ABCA10: variants seen among roughly 807,000 people sequenced by gnomAD.
ABCA10 encodes ATP-binding cassette sub-family A member 10.
A neutral mutation model predicts 187.5 loss-of-function variants in ABCA10; 169 were observed. The observed-to-expected ratio is 0.90, with a 90% CI of 0.80 to 1.02. The LOEUF is 1.02. Ranked by LOEUF, ABCA10 falls within the 50% of genes least tolerant of loss-of-function variation. The pLI, the probability that ABCA10 is intolerant of heterozygous loss-of-function variation, is 0.00. For synonymous variants in ABCA10, 574 were observed against 601.8 expected (o/e 0.95, Z 0.68); for missense variants, 1,727 against 1,812.4 (o/e 0.95, Z 0.86).
intron 22 of ABCA10, among the ~76,000 whole-genome samples, chr17:69,177,973 A>T (rs8070116): frequency 0.46 from 19,925 of 43,778 alleles, 5,864 homozygotes; most frequent in African/African-American, 0.6. Context: ...AAAAAAAAAA[A>T]ATATATATAT....
chr17:69,234,780 T>C (rs2074855345), intron 1 of ABCA10: 1 of 152,240 alleles, frequency 6.6e-6, no homozygotes, highest in South Asian at 2.1e-4. Context: ...CATAGAGCAA[T>C]GAAACAATGG....
chr17:69,223,150 T>C (rs1466654691), intron 3 of ABCA10, among the ~76,000 whole-genome samples: 2 of 152,156 alleles, frequency 1.3e-5, no homozygotes, highest in Non-Finnish European at 2.9e-5. Flanking sequence ...TATTCAACTT[T>C]TTTTAAAGTA....
intron 9 of ABCA10, among the ~76,000 whole-genome samples, chr17:69,213,355 C>T (rs535088202): frequency 6.6e-4 from 94 of 143,020 alleles, no homozygotes; most frequent in Non-Finnish European, 1.1e-3. Flanking sequence ...CATGTCTGAG[C>T]TCAGACTTTC....
chr17:69,165,170 A>G, intron 25 of ABCA10, 87 bp from the exon 26 acceptor site: 2 of 1,131,034 alleles, frequency 1.8e-6, no homozygotes, highest in Admixed American at 2.4e-5. Context: ...TTTTCCTGGG[A>G]GATACTGCCA....
At chr17:69,210,847 C>CACATATATATATATATATATAT (rs1169352704) in intron 9 of ABCA10, among the ~76,000 whole-genome samples, 9 of 37,892 alleles carry the variant, frequency 2.4e-4, no homozygotes, top group African/African-American at 5.2e-4. Flanking sequence ...ATTTATGCCA[C>CACATATATATATATATATATAT]ATATATATAT....
chr17:69,216,289 T>A lies in ABCA10; in HGVS notation c.600A>T (p.Thr200=). ...CAGTATGAAATACAATTGGGATTGA[T>A]GTTATGACCAGAGCCATAAAAATGG... is the stretch of plus-strand genomic sequence containing the variant. ...IMSIFMALVI[T]SIPIVFHTGF... is the part of the protein sequence containing the mutation. The change falls in exon 7 of 39, where the codon ACA becomes ACT. Residue 200 remains threonine (T), a synonymous_variant. Transcript: ENST00000690296. 1 of 1,613,554 alleles carries A rather than the reference T, an allele frequency of 6.2e-7. No homozygotes were observed. The highest frequency in any genetic ancestry group is 8.5e-7 in the Non-Finnish European group (1 of 1,179,620).
At chr17:69,168,538 C>A (rs575948452) in intron 25 of ABCA10, among the ~76,000 whole-genome samples, 59 of 152,032 alleles carry the variant, frequency 3.9e-4, no homozygotes, top group Non-Finnish European at 6.5e-4. Context: ...ACCAAATAAT[C>A]AAAAAATATG....
rs374025430 is a variant in ABCA10, at chr17:69,194,341, A to G, written c.1345+44T>C. Reference sequence around the variant, plus strand: ...TTTTACATAATCAAACCAATTTACAACTTGCTTTTTCAGCCAACTTACTTT... The same window carrying G: ...TTTTACATAATCAAACCAATTTACAGCTTGCTTTTTCAGCCAACTTACTTT... On this transcript the variant is annotated intron_variant, in intron 12 of 38. Coordinates refer to ENST00000690296, the MANE Select transcript of ABCA10 (RefSeq NM_001377321.1). 34 of 1,501,124 alleles carry G rather than the reference A, an allele frequency of 2.3e-5. No homozygotes were observed. In the African/African-American group the frequency reaches 4.6e-4, roughly 20 times the overall value. The allele number at this position is 1,501,124 out of a possible 1,614,324, so 93.0% of individuals were successfully genotyped here. A position where few individuals can be genotyped will look rare whatever the true frequency, so the allele number is the denominator to read the frequency against.
chr17:69,172,668 A>C (rs2074306772), intron 25 of ABCA10, among the ~76,000 whole-genome samples: 1 of 152,174 alleles, frequency 6.6e-6, no homozygotes, highest in Non-Finnish European at 1.5e-5. Flanking sequence ...AAAAAAGAAA[A>C]ATATGGAATA....
intron 9 of ABCA10, among the ~76,000 whole-genome samples, chr17:69,214,150 A>G (rs2074682801): frequency 6.6e-6 from 1 of 152,230 alleles, no homozygotes; most frequent in African/African-American, 2.4e-5. Flanking sequence ...ACCGACACAC[A>G]TACATCCTAC....
chr17:69,175,874 C>T (rs1303831441), intron 22 of ABCA10: 1 of 169,026 alleles, frequency 5.9e-6, no homozygotes, highest in East Asian at 1.8e-4. Context: ...TAATGGGTAA[C>T]ATATACAGTG....
At chr17:69,184,100 T>C (rs1367129102) in intron 20 of ABCA10, among the ~76,000 whole-genome samples, 1 of 152,080 alleles carries the variant, frequency 6.6e-6, no homozygotes, top group East Asian at 1.9e-4. Context: ...TTTCCCCTAC[T>C]TCCCTAGCGA....
At chr17:69,201,100 C>A (rs2074540230) in intron 10 of ABCA10, among the ~76,000 whole-genome samples, 1 of 152,166 alleles carries the variant, frequency 6.6e-6, no homozygotes, top group Admixed American at 6.5e-5. Context: ...TGTGAAGAGA[C>A]CTTTTGACTT....
chr17:69,167,710 C>T (rs1195214412), intron 25 of ABCA10, among the ~76,000 whole-genome samples: 3 of 152,102 alleles, frequency 2.0e-5, no homozygotes, highest in African/African-American at 7.2e-5. Context: ...TGACATTAGA[C>T]AATCTGAAAG....
At chr17:69,206,821 G>T (rs2074595393) in intron 9 of ABCA10, among the ~76,000 whole-genome samples, 1 of 152,074 alleles carries the variant, frequency 6.6e-6, no homozygotes. Context: ...CTACTAGAAG[G>T]AAACGGGGGA....
At position 69,227,890 on chromosome 17, in the gene ABCA10, A is replaced by C. The variant is rs77758990; in HGVS notation, c.-312-605T>G. 1.3e-4 allele frequency among the ~76,000 whole-genome samples: 20 copies of C among 152,098 alleles called. No individual in the cohort carries two copies. In the East Asian group the frequency reaches 3.9e-3, roughly 29 times the overall value. Reference sequence around the variant, plus strand: ...AAGATACATACAGATTAAAACCAAAAATATTGGCTAATATGACTAGAGTAA... The same window carrying C: ...AAGATACATACAGATTAAAACCAAACATATTGGCTAATATGACTAGAGTAA... On this transcript the variant is annotated intron_variant, in intron 1 of 38. Transcript: ENST00000690296.
Position 69,219,571 on chromosome 17 carries a change from C to T in ABCA10, c.504G>A (p.Val168=), listed in dbSNP as rs12941264. ...AGAATGCTGACTCTCGGAGACCCAT[C>T]ACTGTCATCAGTTTCTTAAATTTTC... is the stretch of plus-strand genomic sequence containing the variant. The part of the protein sequence containing the change: ...ERGKFKKLMT[V]MGLRESAFWL... Residue 168 remains valine, a synonymous_variant, in exon 6 of 39, where the codon GTG becomes GTA. Coordinates refer to ENST00000690296, the MANE Select transcript of ABCA10 (RefSeq NM_001377321.1). 1,036,791 of 1,601,912 alleles carry T rather than the reference C, an allele frequency of 0.65. 339,214 individuals are homozygous for T. Among genetic ancestry groups the T allele is most frequent in the African/African-American group, 0.7 (51,916 of 74,582 alleles).
Position 69,155,153 on chromosome 17 carries a change from A to C in ABCA10, c.3577-17T>G, listed in dbSNP as rs75435520. ...GACTGGTTCCTGGAAAACATGACAAAGCATGATTTCCCTGTTAAATTTCAG... is the reference window on the plus strand; with the variant it reads ...GACTGGTTCCTGGAAAACATGACAACGCATGATTTCCCTGTTAAATTTCAG... On this transcript the variant is annotated splice_polypyrimidine_tract_variant and intron_variant, in intron 29 of 38. Coordinates refer to ENST00000690296, the MANE Select transcript of ABCA10 (RefSeq NM_001377321.1). 6.7e-5 allele frequency: 102 copies of C among 1,527,466 alleles called. 1 individual carries two copies. In the East Asian group the frequency reaches 2.2e-3, roughly 32 times the overall value. The allele number at this position is 1,527,466 out of a possible 1,614,324, so 94.6% of individuals were successfully genotyped here.
chr17:69,188,511 T>A (rs1230924772), intron 18 of ABCA10, among the ~76,000 whole-genome samples: 2 of 150,828 alleles, frequency 1.3e-5, no homozygotes, highest in East Asian at 3.9e-4. Context: ...TTCTTTTTTT[T>A]CTTTCCAATT....
Sources: gnomAD v4.1 joint callset for allele counts (sites outside exome capture counted in the v4.1 genomes callset) on GRCh38, gnomAD v4.1.1 for gene constraint, MANE v1.5 for transcripts, NCBI Gene and HGNC (gene_info 2026-07-23, HGNC 2026-07-21) for gene names.